Variants in PTPRT observed in about 807,000 individuals in gnomAD.
PTPRT encodes the protein receptor-type tyrosine-protein phosphatase T.
In PTPRT, 56 loss-of-function variants were observed where a neutral mutation model predicts 176.8. The observed-to-expected ratio is 0.32, with a 90% CI of 0.26 to 0.40. The LOEUF is 0.40. Among genes scored for constraint, PTPRT ranks in the 10% least tolerant of loss-of-function variants. PTPRT has a pLI of 1.00. For missense variants in PTPRT, 1,540 were observed against 1,908.2 expected (o/e 0.81, Z 3.60); for synonymous variants, 783 against 739.0 (o/e 1.06, Z -0.96).
intron 12 of PTPRT, among the ~76,000 whole-genome samples, chr20:42,298,329 A>C (rs536316543): frequency 2.6e-4 from 39 of 152,334 alleles, no homozygotes; most frequent in African/African-American, 8.9e-4. Flanking sequence ...GACAAAAATG[A>C]AAGTTAGACC....
intron 7 of PTPRT, among the ~76,000 whole-genome samples, chr20:42,563,172 C>A (rs1157881776): frequency 2.0e-5 from 3 of 151,840 alleles, no homozygotes; most frequent in Non-Finnish European, 4.4e-5. Flanking sequence ...ACATATTATC[C>A]TTAATACGCA....
intron 7 of PTPRT, among the ~76,000 whole-genome samples, chr20:42,565,979 T>C (rs2073033294): frequency 6.6e-6 from 1 of 152,078 alleles, no homozygotes; most frequent in Admixed American, 6.6e-5. Flanking sequence ...TCACCTTCCA[T>C]CACACAGGGC....
intron 15 of PTPRT, among the ~76,000 whole-genome samples, chr20:42,221,411 C>T (rs2055883081): frequency 1.3e-5 from 2 of 152,234 alleles, no homozygotes; most frequent in East Asian, 3.9e-4. Flanking sequence ...TTAATTGACT[C>T]ACAGTTCTGC....
intron 2 of PTPRT, among the ~76,000 whole-genome samples, chr20:42,880,966 T>C (rs1375714801): frequency 1.3e-5 from 2 of 152,188 alleles, no homozygotes; most frequent in Admixed American, 1.3e-4. Context: ...GATGCAGCAA[T>C]GCATCCTGGA....
intron 15 of PTPRT, among the ~76,000 whole-genome samples, chr20:42,204,974 CTT>C (rs11472303): frequency 1.4e-5 from 2 of 138,894 alleles, no homozygotes; most frequent in Admixed American, 7.3e-5. Context: ...GAAGGAATTT[CTT>C]TTTTTTTTTT....
chr20:43,069,706 CT>C (rs1409496803), intron 1 of PTPRT, among the ~76,000 whole-genome samples: 1 of 152,078 alleles, frequency 6.6e-6, no homozygotes, highest in Non-Finnish European at 1.5e-5. Flanking sequence ...ACTGAGTCGG[CT>C]TTTTTATATA....
intron 1 of PTPRT, among the ~76,000 whole-genome samples, chr20:42,919,379 C>G (rs890906304): frequency 2.0e-5 from 3 of 152,170 alleles, no homozygotes; most frequent in Admixed American, 1.3e-4. Flanking sequence ...AGGACTGGAA[C>G]ACAGGTCTAC....
At chr20:42,947,787 C>A (rs1249972786) in intron 1 of PTPRT, among the ~76,000 whole-genome samples, 1 of 152,092 alleles carries the variant, frequency 6.6e-6, no homozygotes, top group Non-Finnish European at 1.5e-5. Flanking sequence ...CACCCCACCC[C>A]AGGACTCCCG....
At chr20:42,727,577 G>A (rs1303503148) in intron 6 of PTPRT, among the ~76,000 whole-genome samples, 1 of 152,120 alleles carries the variant, frequency 6.6e-6, no homozygotes, top group African/African-American at 2.4e-5. Context: ...AGCATTGCAG[G>A]TATCCAGTGA....
intron 7 of PTPRT, among the ~76,000 whole-genome samples, chr20:42,652,876 C>T (rs1215910365): frequency 2.0e-5 from 3 of 152,254 alleles, no homozygotes; most frequent in East Asian, 3.9e-4. Flanking sequence ...TCATAAAAGG[C>T]AAATTTCCCA....
intron 18 of PTPRT, among the ~76,000 whole-genome samples, chr20:42,139,319 T>G (rs1988517376): frequency 6.6e-6 from 1 of 152,178 alleles, no homozygotes; most frequent in Admixed American, 6.5e-5. Context: ...GTCAAGGTGC[T>G]TCAGTTCTCT....
intron 7 of PTPRT, among the ~76,000 whole-genome samples, chr20:42,581,412 C>T (rs780480327): frequency 8.5e-5 from 13 of 152,152 alleles, no homozygotes; most frequent in South Asian, 4.1e-4. Flanking sequence ...AGCACCATGA[C>T]GGAAACGATT....
intron 14 of PTPRT, 67 bp from the exon 15 acceptor site, chr20:42,236,325 A>G: frequency 2.3e-6 from 3 of 1,278,084 alleles, no homozygotes; most frequent in Non-Finnish European, 3.4e-6. Context: ...AGACAAACAA[A>G]CAAGAATTAG....
chr20:43,090,874 G>T (rs949775276), intron 1 of PTPRT, among the ~76,000 whole-genome samples: 1 of 151,994 alleles, frequency 6.6e-6, no homozygotes, highest in Non-Finnish European at 1.5e-5. Context: ...TCACAGAAAT[G>T]AAGAAAGAAA....
At chr20:42,089,524 A>T (rs1441766840) in intron 27 of PTPRT, among the ~76,000 whole-genome samples, 1 of 152,160 alleles carries the variant, frequency 6.6e-6, no homozygotes, top group African/African-American at 2.4e-5. Context: ...AAGCTGATAG[A>T]TTCTACTACG....
At chr20:42,836,666 A>C (rs533652505) in intron 2 of PTPRT, among the ~76,000 whole-genome samples, 51 of 152,194 alleles carry the variant, frequency 3.4e-4, no homozygotes, top group Non-Finnish European at 6.5e-4. Context: ...CCTGGGTTTG[A>C]ATCCTTAATC....
chr20:42,580,902 C>G (rs868540183), intron 7 of PTPRT, among the ~76,000 whole-genome samples: 16 of 152,216 alleles, frequency 1.1e-4, no homozygotes, highest in Middle Eastern at 3.4e-3. Context: ...TTATTTCCTT[C>G]TCCTGCCTGA....
chr20:42,590,428 A>C (rs2073548783), intron 7 of PTPRT, among the ~76,000 whole-genome samples: 1 of 152,212 alleles, frequency 6.6e-6, no homozygotes. Context: ...AGCACCTACT[A>C]TGTGCCAGGC....
At chr20:42,163,518 A>T (rs1989699348) in intron 16 of PTPRT, among the ~76,000 whole-genome samples, 1 of 151,992 alleles carries the variant, frequency 6.6e-6, no homozygotes. Flanking sequence ...TTCTCCATCA[A>T]CCCCTTGGTT....
Sources: allele counts gnomAD v4.1 joint callset (sites outside exome capture counted in the v4.1 genomes callset), GRCh38; gene constraint gnomAD v4.1.1; transcripts MANE v1.5; gene names NCBI Gene and HGNC (gene_info 2026-07-23, HGNC 2026-07-21).